SATB2: variants seen among roughly 807,000 people sequenced by gnomAD.
SATB2 encodes SATB homeobox 2, also known as DNA-binding protein SATB2.
A neutral mutation model predicts 73.4 loss-of-function variants in SATB2; 1 was observed. The ratio of observed to expected loss-of-function variants is 0.01; its 90% CI spans 0.00 to 0.06. SATB2 has a LOEUF of 0.06. Among genes scored for constraint, SATB2 ranks in the 10% least tolerant of loss-of-function variants. The pLI is 1.00. For synonymous variants in SATB2, 397 were observed against 367.0 expected (o/e 1.08, Z -0.93); for missense variants, 459 against 945.8 (o/e 0.49, Z 6.75).
intron 7 of SATB2, among the ~76,000 whole-genome samples, chr2:199,345,009 GTCT>G (rs910016162): frequency 3.3e-5 from 5 of 152,102 alleles, no homozygotes; most frequent in South Asian, 4.1e-4. Flanking sequence ...AAGTAGACAA[GTCT>G]TCTTCTGGAA....
intron 9 of SATB2, among the ~76,000 whole-genome samples, chr2:199,319,680 T>C (rs1687831365): frequency 2.0e-5 from 3 of 151,726 alleles, no homozygotes; most frequent in Admixed American, 2.0e-4. Flanking sequence ...CCAAACCTAG[T>C]AGGAAAAAAC....
Position 199,361,225 on chromosome 2 carries a change from C to T in SATB2, c.700+7380G>A, listed in dbSNP as rs1218089041. 3.3e-5 allele frequency among the ~76,000 whole-genome samples: 5 copies of T among 152,080 alleles called. No homozygotes were observed. In the East Asian group the frequency reaches 7.7e-4, roughly 23 times the overall value. ...ATTCTCACTGAGGTATCAGCAATTT[C>T]GTCTCCATTGGTATTGTCTTATTTC... On this transcript the variant is annotated intron_variant, in intron 6 of 10. Coordinates refer to ENST00000417098, the MANE Select transcript of SATB2 (RefSeq NM_001172509.2).
At chr2:199,352,641 C>G (rs1267157560) in intron 6 of SATB2, among the ~76,000 whole-genome samples, 1 of 152,106 alleles carries the variant, frequency 6.6e-6, no homozygotes, top group Non-Finnish European at 1.5e-5. Context: ...ATTGCAAACA[C>G]AAATACCTAC....
At chr2:199,428,077 T>C (rs75234227) in intron 3 of SATB2, among the ~76,000 whole-genome samples, 386 of 152,322 alleles carry the variant, frequency 2.5e-3, no homozygotes, top group African/African-American at 8.8e-3. Context: ...AGATCAACAC[T>C]GACAAAACAT....
At chr2:199,386,014 T>C (rs181605247) in intron 3 of SATB2, among the ~76,000 whole-genome samples, 1 of 152,260 alleles carries the variant, frequency 6.6e-6, no homozygotes, top group Admixed American at 6.5e-5. Flanking sequence ...AAGTGCTCCA[T>C]AAAACTTAAG....
At chr2:199,394,502 AAGGCTGTGGGCC>A (rs1690241945) in intron 3 of SATB2, among the ~76,000 whole-genome samples, 1 of 152,138 alleles carries the variant, frequency 6.6e-6, no homozygotes, top group African/African-American at 2.4e-5. Context: ...TATTAGAAAA[AAGGCTGTGGGCC>A]AGGCTCTGTG....
chr2:199,283,084 CT>C (rs1159061582), intron 10 of SATB2, among the ~76,000 whole-genome samples: 398 of 140,448 alleles, frequency 2.8e-3, no homozygotes, highest in Middle Eastern at 3.7e-3. Flanking sequence ...TAAACATAAA[CT>C]TTTTTTTTTT....
At chr2:199,356,157 C>G (rs1464766881) in intron 6 of SATB2, among the ~76,000 whole-genome samples, 1 of 145,458 alleles carries the variant, frequency 6.9e-6, no homozygotes. Context: ...TAATGGATTC[C>G]TTAATAAGAT....
rs750531398 is a variant in SATB2 at position 199,328,863 on chromosome 2, G to A, written c.1221C>T (p.Ala407=). 8.1e-6 allele frequency: 13 copies of A among 1,613,936 alleles called. No individual in the cohort carries two copies. In the East Asian group the frequency reaches 2.5e-4, roughly 30 times the overall value. ...TCAGGTTTACTAGAAGAGACTGAGA[G>A]GCTGTCCGAGGGTCTTCTTCCTTAC... ...ILRKEEDPRT[A]SQSLLVNLRA... The change falls in exon 8 of 11, where the codon GCC becomes GCT. Residue 407 remains alanine (A), a synonymous_variant. Transcript: ENST00000417098.
rs1472954659 is a variant in SATB2, at chr2:199,464,867, T to C, written c.-172A>G. On this transcript the variant is annotated 5_prime_UTR_variant, in exon 1 of 12. Coordinates refer to the SATB2 transcript ENST00000260926. The surrounding 1 kb of genome is among the most constrained non-coding windows in gnomAD (Gnocchi z 6.6). ...TCGCTGCGCCCGCCTTCGCCCCAAGTGCCCAGGACGGAGCGAGGGGCTGTG... is the reference window on the plus strand; with the variant it reads ...TCGCTGCGCCCGCCTTCGCCCCAAGCGCCCAGGACGGAGCGAGGGGCTGTG... 1 of 152,206 alleles carries C rather than the reference T, an allele frequency of 6.6e-6. No homozygotes were observed. The highest frequency in any genetic ancestry group is 2.4e-5 in the African/African-American group (1 of 41,450). 9.4% of individuals were successfully genotyped at this position (152,206 alleles called of 1,614,324 possible). A position where few individuals can be genotyped will look rare whatever the true frequency, so the allele number is the denominator to read the frequency against.
intron 6 of SATB2, among the ~76,000 whole-genome samples, chr2:199,360,152 T>C (rs1689094409): frequency 6.6e-6 from 1 of 152,036 alleles, no homozygotes; most frequent in Admixed American, 6.6e-5. Context: ...ACCAAAAGAG[T>C]TCTCTGATTT....
At chr2:199,344,131 A>T (rs545643724) in intron 7 of SATB2, among the ~76,000 whole-genome samples, 1 of 152,322 alleles carries the variant, frequency 6.6e-6, no homozygotes, top group South Asian at 2.1e-4. Flanking sequence ...AAAGTAATAC[A>T]ACCATGCTTT....
chr2:199,444,891 A>T (rs1349100811), intron 2 of SATB2, among the ~76,000 whole-genome samples: 2 of 152,230 alleles, frequency 1.3e-5, no homozygotes, highest in African/African-American at 2.4e-5. Context: ...TCAAAGAGCA[A>T]GCCTGTGTTT....
intron 3 of SATB2, among the ~76,000 whole-genome samples, chr2:199,391,549 C>T (rs1323970043): frequency 1.3e-5 from 2 of 151,788 alleles, no homozygotes; most frequent in Non-Finnish European, 2.9e-5. Flanking sequence ...ACCTAATGCA[C>T]ACAGCTTCAG....
rs760907480 is a variant in SATB2 at position 199,308,736 on chromosome 2, G to A, written c.1740+24C>T. 1.2e-4 allele frequency: 199 copies of A among 1,605,872 alleles called. No individual in the cohort carries two copies. Among genetic ancestry groups the A allele is most frequent in the Non-Finnish European group, 8.5e-6 (10 of 1,172,792 alleles). On this transcript the variant is annotated intron_variant, in intron 10 of 10. Coordinates refer to ENST00000417098, the MANE Select transcript of SATB2 (RefSeq NM_001172509.2). The surrounding 1 kb of genome is among the most constrained non-coding windows in gnomAD (Gnocchi z 4.6). ...GGCACACAGAGCCCTGATCAGGTGG[G>A]GTACGGCGGTCGGGGACACTGACCT...
chr2:199,467,531 T>TGAAAGG (rs1276529570), upstream of SATB2: 1 of 152,156 alleles, frequency 6.6e-6, no homozygotes, highest in African/African-American at 2.4e-5. Context: ...AGGCATTCAA[T>TGAAAGG]GAAAGGGGAA....
At chr2:199,333,909 C>G (rs1688261866) in intron 7 of SATB2, among the ~76,000 whole-genome samples, 1 of 152,134 alleles carries the variant, frequency 6.6e-6, no homozygotes, top group African/African-American at 2.4e-5. Context: ...CAGCCAAACC[C>G]TAGTACTTCC....
At position 199,272,436 on chromosome 2, in the gene SATB2, G is replaced by A. The variant is rs1574458924; in HGVS notation, c.1977C>T (p.Ile659=). 1.2e-6 allele frequency: 2 copies of A among 1,614,214 alleles called. No homozygotes were observed. The highest frequency in any genetic ancestry group is 2.7e-5 in the African/African-American group (2 of 75,058). Residue 659 remains isoleucine (I), a synonymous_variant, in exon 11 of 11, where the codon ATC becomes ATT. Coordinates refer to ENST00000417098, the MANE Select transcript of SATB2 (RefSeq NM_001172509.2). The surrounding 1 kb of genome is among the most constrained non-coding windows in gnomAD (Gnocchi z 6.7). ...ACCGCTGGTTCTGGAAGAACTTGATGATGGTGTGTTTGGGGAGATCCAGCT... is the reference window on the plus strand; with the variant it reads ...ACCGCTGGTTCTGGAAGAACTTGATAATGGTGTGTTTGGGGAGATCCAGCT... ...SAQLDLPKHT[I]IKFFQNQRYH...
In SATB2 at chr2:199,361,133, C is replaced by T. The variant is rs548106834; in HGVS notation, c.700+7472G>A. Reference sequence around the variant, plus strand: ...AAGTGCTCAAAAATTTATTCTCCATCCTGTCCTTTAGTCGGCTGGTTTCAC... The same window carrying T: ...AAGTGCTCAAAAATTTATTCTCCATTCTGTCCTTTAGTCGGCTGGTTTCAC... On this transcript the variant is annotated intron_variant, in intron 6 of 10. Transcript: ENST00000417098. Among the ~76,000 whole-genome samples the T allele has an allele frequency of 3.9e-5, 6 of 152,306 alleles. No homozygotes were observed. The South Asian group carries it at 8.3e-4, about 21-fold the overall frequency.
Sources: gnomAD v4.1 joint callset for allele counts (sites outside exome capture counted in the v4.1 genomes callset) on GRCh38, gnomAD v4.1.1 for gene constraint, Gnocchi (gnomAD v3.1) non-coding constraint, MANE v1.5 for transcripts, NCBI Gene and HGNC (gene_info 2026-07-23, HGNC 2026-07-21) for gene names.